The following NTM variants were observed in gnomAD, a reference collection of about 807,000 sequenced individuals.
NTM encodes IgLON family member 2.
Under a neutral mutation model 42.1 loss-of-function variants are expected in NTM, and 13 were observed. That is an observed-to-expected ratio of 0.31 (90% CI 0.20 to 0.49). The LOEUF (loss-of-function observed/expected upper bound fraction) is 0.49. NTM is among the 20% of genes least tolerant of loss of function. The pLI, the probability that NTM is intolerant of heterozygous loss-of-function variation, is 0.99. For missense variants in NTM, 373 were observed against 452.8 expected, an observed-to-expected ratio of 0.82 and a Z score of 1.60; for synonymous variants, 187 against 179.2, an observed-to-expected ratio of 1.04 and a Z score of -0.35.
chr11:131,586,770 A>C (rs773403487), intron 1 of NTM, among the ~76,000 whole-genome samples: 5 of 152,178 alleles, frequency 3.3e-5, no homozygotes, highest in Non-Finnish European at 7.3e-5. Flanking sequence ...AGGTGCTTTA[A>C]AGAAAAAGAC....
chr11:132,153,161 GC>G (rs1475615861), intron 3 of NTM, among the ~76,000 whole-genome samples: 2 of 152,214 alleles, frequency 1.3e-5, no homozygotes, highest in Non-Finnish European at 2.9e-5. Context: ...AGTCTTGGCT[GC>G]TTCTGAGCGG....
At chr11:131,433,732 G>T (rs1948879328) in intron 1 of NTM, among the ~76,000 whole-genome samples, 1 of 152,138 alleles carries the variant, frequency 6.6e-6, no homozygotes, top group African/African-American at 2.4e-5. Flanking sequence ...TCCTTAGGAA[G>T]ATTTTAGGCC....
chr11:131,866,127 A>G (rs1223580425), intron 1 of NTM, among the ~76,000 whole-genome samples: 1 of 151,234 alleles, frequency 6.6e-6, no homozygotes, highest in Non-Finnish European at 1.5e-5. Context: ...CACATGCCTC[A>G]CATACACATG....
chr11:132,014,118 T>C (rs2072873890), intron 2 of NTM, among the ~76,000 whole-genome samples: 1 of 152,064 alleles, frequency 6.6e-6, no homozygotes, highest in South Asian at 2.1e-4. Context: ...GATTTTTGGC[T>C]CCCACATATG....
intron 1 of NTM, among the ~76,000 whole-genome samples, chr11:131,874,843 G>C (rs902469572): frequency 6.6e-6 from 1 of 152,160 alleles, no homozygotes; most frequent in African/African-American, 2.4e-5. Context: ...CTTATCAGTT[G>C]GATTTTCTGT....
chr11:132,015,654 T>TATTTG (rs1431731386), intron 2 of NTM, among the ~76,000 whole-genome samples: 1 of 151,240 alleles, frequency 6.6e-6, no homozygotes, highest in Admixed American at 6.6e-5. Flanking sequence ...TATTTTATTT[T>TATTTG]ATTTTATTTT....
chr11:132,320,380 G>A (rs1438298551), intron 7 of NTM, among the ~76,000 whole-genome samples: 1 of 152,236 alleles, frequency 6.6e-6, no homozygotes, highest in Non-Finnish European at 1.5e-5. Flanking sequence ...CAAGGGATCA[G>A]GGAGTTCCCT....
intron 1 of NTM, among the ~76,000 whole-genome samples, chr11:131,882,402 C>A (rs1345642723): frequency 6.6e-6 from 1 of 152,132 alleles, no homozygotes; most frequent in Non-Finnish European, 1.5e-5. Context: ...GAGGCTCACC[C>A]CTGTTATGGA....
rs141632855 is a variant in NTM at position 131,609,088 on chromosome 11, A to G, written c.82+238200A>G. ...TGGGGGTGCATGGGTCAGGATGTGG[A>G]CAGGAAACATCCACCACAGTTTTCT... On this transcript the variant is annotated intron_variant, in intron 1 of 8. Transcript: ENST00000683400. Among the ~76,000 whole-genome samples the G allele has an allele frequency of 7.6e-4, 116 of 152,336 alleles. 1 individual carries two copies. Among genetic ancestry groups the G allele is most frequent in the Non-Finnish European group, 1.4e-3 (93 of 68,034 alleles).
chr11:132,147,218 A>T (rs201154643), intron 3 of NTM, among the ~76,000 whole-genome samples: 17,059 of 130,798 alleles, frequency 0.13, 1,023 homozygotes, highest in African/African-American at 0.21. Context: ...TGTGTGTGAG[A>T]GAGAGAGAGA....
At chr11:132,074,897 T>G (rs1039138262) in intron 2 of NTM, among the ~76,000 whole-genome samples, 1 of 152,318 alleles carries the variant, frequency 6.6e-6, no homozygotes, top group South Asian at 2.1e-4. Context: ...AGATGATAGA[T>G]ATATGAATTA....
At chr11:132,033,783 T>C (rs1324043568) in intron 2 of NTM, among the ~76,000 whole-genome samples, 1 of 152,204 alleles carries the variant, frequency 6.6e-6, no homozygotes, top group Non-Finnish European at 1.5e-5. Flanking sequence ...AAAATGTTTT[T>C]ATGAGTCAGA....
intron 2 of NTM, among the ~76,000 whole-genome samples, chr11:132,083,795 A>T (rs1307961816): frequency 1.3e-5 from 2 of 152,230 alleles, no homozygotes; most frequent in Non-Finnish European, 2.9e-5. Context: ...ACTGATGCAA[A>T]TAACCATATT....
intron 2 of NTM, among the ~76,000 whole-genome samples, chr11:131,998,007 C>T (rs1349053742): frequency 6.6e-6 from 1 of 152,084 alleles, no homozygotes; most frequent in African/African-American, 2.4e-5. Flanking sequence ...CCAGGACCCA[C>T]CTTTGCTCAA....
chr11:131,589,667 C>T (rs1043957446), intron 1 of NTM, among the ~76,000 whole-genome samples: 2 of 152,164 alleles, frequency 1.3e-5, no homozygotes, highest in Non-Finnish European at 2.9e-5. Flanking sequence ...GAGACACCAT[C>T]CCACCCCTTC....
At chr11:132,027,104 T>A (rs778286046) in intron 2 of NTM, among the ~76,000 whole-genome samples, 2 of 152,024 alleles carry the variant, frequency 1.3e-5, no homozygotes, top group South Asian at 4.2e-4. Flanking sequence ...AAAAGCAGAG[T>A]TTACTGACTG....
intron 1 of NTM, among the ~76,000 whole-genome samples, chr11:131,548,551 A>G (rs968589715): frequency 1.3e-5 from 2 of 152,198 alleles, no homozygotes; most frequent in African/African-American, 4.8e-5. Context: ...ACAAGGCTTT[A>G]TGAGATACAA....
intron 4 of NTM, among the ~76,000 whole-genome samples, chr11:132,298,494 C>T (rs891885615): frequency 6.6e-6 from 1 of 152,108 alleles, no homozygotes; most frequent in Non-Finnish European, 1.5e-5. Context: ...CCTGAGAAGG[C>T]TCACAGCAGA....
chr11:131,484,441 G>C (rs1336221246), intron 1 of NTM, among the ~76,000 whole-genome samples: 1 of 152,164 alleles, frequency 6.6e-6, no homozygotes, highest in Non-Finnish European at 1.5e-5. Context: ...CCAGTTAAAG[G>C]GTGGAGGCTC....
Sources: allele counts gnomAD v4.1 joint callset (sites outside exome capture counted in the v4.1 genomes callset), GRCh38; gene constraint gnomAD v4.1.1; transcripts MANE v1.5; gene names NCBI Gene and HGNC (gene_info 2026-07-23, HGNC 2026-07-21).